Variants in RTN1 observed in about 807,000 individuals in gnomAD.
RTN1 encodes reticulon-1.
RTN1 carries 25 observed loss-of-function variants against 65.5 expected under a neutral mutation model. The observed-to-expected ratio is 0.38, with a 90% CI of 0.28 to 0.53. The LOEUF (loss-of-function observed/expected upper bound fraction) is 0.53. RTN1 is among the 20% of genes least tolerant of loss of function. RTN1 has a pLI of 0.79. For synonymous variants in RTN1, 471 were observed against 447.6 expected, an observed-to-expected ratio of 1.05 and a Z score of -0.66; for missense variants, 983 against 1,025.4, an observed-to-expected ratio of 0.96 and a Z score of 0.57.
chr14:59,768,927 A>C (rs954524977), intron 1 of RTN1, among the ~76,000 whole-genome samples: 9 of 152,206 alleles, frequency 5.9e-5, no homozygotes, highest in African/African-American at 1.7e-4. Flanking sequence ...GACTTGAACA[A>C]GGTATTACTT....
intron 1 of RTN1, among the ~76,000 whole-genome samples, chr14:59,747,738 G>A (rs972175139): frequency 1.1e-4 from 16 of 152,202 alleles, no homozygotes; most frequent in Non-Finnish European, 1.5e-5. Context: ...ATGCTAAGCA[G>A]TGGGATTTTT....
intron 1 of RTN1, among the ~76,000 whole-genome samples, chr14:59,840,833 T>A (rs1199751029): frequency 6.6e-6 from 1 of 152,232 alleles, no homozygotes; most frequent in Non-Finnish European, 1.5e-5. Flanking sequence ...AGGTTTTTTA[T>A]GATAACTTAC....
intron 1 of RTN1, among the ~76,000 whole-genome samples, chr14:59,838,195 C>T (rs796818667): frequency 2.7e-4 from 41 of 152,238 alleles, no homozygotes; most frequent in African/African-American, 8.9e-4. Context: ...AGTGGGAACA[C>T]GGAGTATTTG....
At chr14:59,665,304 A>C (rs1448286439) in intron 3 of RTN1, among the ~76,000 whole-genome samples, 2 of 152,220 alleles carry the variant, frequency 1.3e-5, no homozygotes, top group Admixed American at 6.5e-5. Context: ...CTTAAAGAAA[A>C]GAATTTTCAA....
intron 1 of RTN1, among the ~76,000 whole-genome samples, chr14:59,787,918 C>T (rs1043535403): frequency 6.6e-6 from 1 of 152,128 alleles, no homozygotes; most frequent in Non-Finnish European, 1.5e-5. Context: ...GATTTCTATA[C>T]CTTTTTCTTT....
At chr14:59,608,503 C>A (rs572537997) in intron 3 of RTN1, among the ~76,000 whole-genome samples, 14 of 152,294 alleles carry the variant, frequency 9.2e-5, no homozygotes, top group African/African-American at 3.4e-4. Context: ...GCCCTCATGA[C>A]AATGCAAGGC....
intron 3 of RTN1, among the ~76,000 whole-genome samples, chr14:59,648,333 G>A (rs534808995): frequency 1.5e-4 from 23 of 152,276 alleles, no homozygotes; most frequent in Non-Finnish European, 3.2e-4. Context: ...AGGACCAGAT[G>A]GATTCACAGC....
At chr14:59,851,752 G>C (rs999452751) in intron 1 of RTN1, among the ~76,000 whole-genome samples, 8 of 151,766 alleles carry the variant, frequency 5.3e-5, no homozygotes, top group Admixed American at 2.0e-4. Flanking sequence ...AGCTATTCGG[G>C]AGGCTGAGGC....
intron 1 of RTN1, among the ~76,000 whole-genome samples, chr14:59,755,160 T>G (rs757665649): frequency 1.3e-4 from 20 of 151,726 alleles, no homozygotes; most frequent in African/African-American, 4.8e-4. Flanking sequence ...AATGGAGACA[T>G]AGAAAATGCC....
chr14:59,811,267 A>G (rs1431495452), intron 1 of RTN1, among the ~76,000 whole-genome samples: 3 of 152,190 alleles, frequency 2.0e-5, no homozygotes, highest in Non-Finnish European at 2.9e-5. Context: ...AAAGATTCCC[A>G]GCAAAGAAAC....
chr14:59,856,100 G>A (rs138429173), intron 1 of RTN1, among the ~76,000 whole-genome samples: 1 of 152,030 alleles, frequency 6.6e-6, no homozygotes, highest in South Asian at 2.1e-4. Context: ...AGAAAACCCC[G>A]AGAACTCACT....
intron 3 of RTN1, among the ~76,000 whole-genome samples, chr14:59,699,359 AC>A: frequency 1.3e-5 from 2 of 152,168 alleles, no homozygotes; most frequent in Non-Finnish European, 2.9e-5. Flanking sequence ...AAACTAGAAT[AC>A]CTTTACTAGG....
Position 59,870,263 on chromosome 14 carries a change from G to T in RTN1, c.241+127C>A. Reference sequence around the variant, plus strand: ...AATATTCCCAGTCGCCCGTGGCGACGCGGGGGTGGGGTCGGCGCTCAAGGC... The same window carrying T: ...AATATTCCCAGTCGCCCGTGGCGACTCGGGGGTGGGGTCGGCGCTCAAGGC... On this transcript the variant is annotated intron_variant, in intron 1 of 8. Coordinates refer to ENST00000267484, the MANE Select transcript of RTN1 (RefSeq NM_021136.3). The surrounding 1 kb of genome is among the most constrained non-coding windows in gnomAD (Gnocchi z 5.1). The T allele has an allele frequency of 1.1e-6, 1 of 932,076 alleles. No individual in the cohort carries two copies. The highest frequency in any genetic ancestry group is 1.4e-6 in the Non-Finnish European group (1 of 700,352). 57.7% of individuals were successfully genotyped at this position (932,076 alleles called of 1,614,324 possible).
In RTN1 at chr14:59,749,200, A is replaced by C. The variant is rs868689762; in HGVS notation, c.242-2719T>G. Among the ~76,000 whole-genome samples, 272 of 56,604 alleles carry C rather than the reference A, an allele frequency of 4.8e-3. 51 individuals are homozygous for C. Among genetic ancestry groups the C allele is most frequent in the African/African-American group, 0.029 (237 of 8,092 alleles). The allele number at this position is 56,604 out of a possible 152,430, so 37.1% of individuals were successfully genotyped here. On this transcript the variant is annotated intron_variant, in intron 1 of 8. Transcript: ENST00000267484. ...TCTATATATCTATCTATATATATCT[A>C]TATATATATCTATATATATCTATAT...
chr14:59,634,913 G>A (rs550547485), intron 3 of RTN1, among the ~76,000 whole-genome samples: 14 of 152,310 alleles, frequency 9.2e-5, no homozygotes, highest in African/African-American at 3.4e-4. Flanking sequence ...GAAATGTGCA[G>A]GGGCTAGATC....
At chr14:59,855,227 C>T (rs1157372743) in intron 1 of RTN1, among the ~76,000 whole-genome samples, 3 of 152,040 alleles carry the variant, frequency 2.0e-5, no homozygotes, top group Non-Finnish European at 4.4e-5. Context: ...ATTATTTATC[C>T]CCTTTTATTT....
At chr14:59,714,268 T>A (rs1884486883) in intron 3 of RTN1, among the ~76,000 whole-genome samples, 1 of 152,026 alleles carries the variant, frequency 6.6e-6, no homozygotes, top group Admixed American at 6.6e-5. Context: ...ACTAATTTTA[T>A]TATGGGACAT....
chr14:59,644,372 C>T (rs1882844762), intron 3 of RTN1, among the ~76,000 whole-genome samples: 2 of 152,170 alleles, frequency 1.3e-5, no homozygotes, highest in South Asian at 2.1e-4. Flanking sequence ...GACCCTAAGA[C>T]CCATGCTTCT....
chr14:59,676,208 A>G (rs897733766), intron 3 of RTN1, among the ~76,000 whole-genome samples: 3 of 152,338 alleles, frequency 2.0e-5, no homozygotes, highest in African/African-American at 7.2e-5. Flanking sequence ...TATACTTATG[A>G]CTAACTGTCT....
Sources: allele counts gnomAD v4.1 joint callset (sites outside exome capture counted in the v4.1 genomes callset), GRCh38; gene constraint gnomAD v4.1.1; non-coding constraint Gnocchi (gnomAD v3.1); transcripts MANE v1.5; gene names NCBI Gene and HGNC (gene_info 2026-07-23, HGNC 2026-07-21).